The following DCC variants were observed in gnomAD, a reference collection of about 807,000 sequenced individuals.
DCC encodes netrin receptor DCC.
A neutral mutation model predicts 172.5 loss-of-function variants in DCC; 58 were observed. The observed-to-expected ratio is 0.34, with a 90% CI of 0.27 to 0.42. The LOEUF (loss-of-function observed/expected upper bound fraction) is 0.42. Ranked by LOEUF, DCC falls within the 10% of genes least tolerant of loss-of-function variation. DCC has a pLI of 1.00. For missense variants in DCC, 1,740 were observed against 1,791.0 expected (o/e 0.97, Z 0.51); for synonymous variants, 709 against 644.5 (o/e 1.10, Z -1.52).
intron 1 of DCC, among the ~76,000 whole-genome samples, chr18:52,691,083 C>A (rs988714530): frequency 1.3e-5 from 2 of 152,102 alleles, no homozygotes; most frequent in Non-Finnish European, 2.9e-5. Flanking sequence ...ATTCTGTTGG[C>A]ACAGCTAGTA....
At chr18:53,065,501 C>A (rs2042552976) in intron 6 of DCC, among the ~76,000 whole-genome samples, 1 of 152,134 alleles carries the variant, frequency 6.6e-6, no homozygotes, top group African/African-American at 2.4e-5. Flanking sequence ...CCATACTCCC[C>A]TCTCCAAACC....
intron 8 of DCC, among the ~76,000 whole-genome samples, chr18:53,171,396 A>G (rs894153495): frequency 1.3e-5 from 2 of 152,200 alleles, no homozygotes; most frequent in Admixed American, 6.5e-5. Flanking sequence ...AGCAAGCACA[A>G]TGCATTTGCC....
intron 2 of DCC, among the ~76,000 whole-genome samples, chr18:52,877,019 T>C (rs1260542489): frequency 6.6e-6 from 1 of 152,200 alleles, no homozygotes; most frequent in East Asian, 1.9e-4. Context: ...AAATATTGCA[T>C]GGTACACATT....
intron 12 of DCC, among the ~76,000 whole-genome samples, chr18:53,217,691 T>C (rs533834325): frequency 6.6e-6 from 1 of 152,266 alleles, no homozygotes; most frequent in Non-Finnish European, 1.5e-5. Flanking sequence ...TTGATATTTG[T>C]GTTTTATTTG....
At chr18:52,666,025 C>T (rs2035453808) in intron 1 of DCC, among the ~76,000 whole-genome samples, 2 of 152,170 alleles carry the variant, frequency 1.3e-5, no homozygotes, top group South Asian at 4.1e-4. Context: ...CGGCCGGGTG[C>T]CGTGACTCAT....
chr18:53,234,005 CT>C (rs1288664938), intron 12 of DCC, among the ~76,000 whole-genome samples: 2 of 152,112 alleles, frequency 1.3e-5, no homozygotes, highest in African/African-American at 2.4e-5. Context: ...AGTCCCAGCA[CT>C]TTGGGAGGCC....
chr18:52,811,437 G>A (rs368701111), intron 2 of DCC, among the ~76,000 whole-genome samples: 28 of 152,204 alleles, frequency 1.8e-4, no homozygotes, highest in African/African-American at 3.9e-4. Flanking sequence ...AATAGCATTC[G>A]CTTGGTTAAG....
Position 53,530,687 on chromosome 18 carries a change from G to A in DCC, c.*34G>A, listed in dbSNP as rs182487748. 1.1e-3 allele frequency: 1,390 copies of A among 1,216,542 alleles called. 24 individuals carry two copies. The Admixed American group carries it at 0.02, about 17-fold the overall frequency. The allele number at this position is 1,216,542 out of a possible 1,614,324, so 75.4% of individuals were successfully genotyped here. On this transcript the variant is annotated 3_prime_UTR_variant, in exon 29 of 29. Transcript: ENST00000442544. ...TCTGAATGGATGAGGTGAATTTTCC[G>A]GGAACTTTGCAGCATACCAATTACC...
chr18:53,432,961 A>G (rs1911717029), intron 21 of DCC, among the ~76,000 whole-genome samples: 1 of 152,116 alleles, frequency 6.6e-6, no homozygotes. Context: ...AATGTGAATC[A>G]CTATAAATCT....
chr18:52,432,021 A>G (rs1987641191), intron 1 of DCC, among the ~76,000 whole-genome samples: 1 of 151,894 alleles, frequency 6.6e-6, no homozygotes, highest in Admixed American at 6.6e-5. Context: ...TCTTCCTCCT[A>G]TTTTATCTCT....
At chr18:53,373,785 G>C (rs2058083479) in intron 15 of DCC, among the ~76,000 whole-genome samples, 1 of 152,098 alleles carries the variant, frequency 6.6e-6, no homozygotes, top group Non-Finnish European at 1.5e-5. Flanking sequence ...ATGAACTGAG[G>C]CAATCTTATT....
chr18:53,064,429 C>T (rs1284312177), intron 6 of DCC, among the ~76,000 whole-genome samples: 1 of 152,140 alleles, frequency 6.6e-6, no homozygotes, highest in Non-Finnish European at 1.5e-5. Flanking sequence ...AGACATGACA[C>T]TTTCAAAGAG....
rs779811307 is a variant in DCC at position 53,526,661 on chromosome 18, T to C, written c.4156T>C (p.Leu1386=). Residue 1386 remains leucine, a synonymous_variant, in exon 28 of 29, where the codon TTG becomes CTG. Coordinates refer to ENST00000442544, the MANE Select transcript of DCC (RefSeq NM_005215.4). ...CCATGTGAAAACAGCCTCCCTTGGG[T>C]TGGCTGGAAAAGCAAGATCCCCTTT... ...KTHVKTASLG[L]AGKARSPLLP... The C allele has an allele frequency of 2.6e-5, 42 of 1,613,400 alleles. No individual in the cohort carries two copies. Among genetic ancestry groups the C allele is most frequent in the Non-Finnish European group, 3.2e-5 (38 of 1,179,658 alleles).
chr18:53,527,041 CCA>C, intron 28 of DCC: 1 of 423,698 alleles, frequency 2.4e-6, no homozygotes, highest in East Asian at 5.1e-5. Context: ...GGTTTTACAC[CCA>C]TATATGTACA....
chr18:53,496,456 A>G (rs2046024786), intron 26 of DCC, among the ~76,000 whole-genome samples: 1 of 39,630 alleles, frequency 2.5e-5, no homozygotes, highest in Non-Finnish European at 6.6e-5. Context: ...TCCGAAGGTC[A>G]CCAACATCAA....
At chr18:53,133,103 T>G (rs1444398418) in intron 7 of DCC, among the ~76,000 whole-genome samples, 5 of 152,222 alleles carry the variant, frequency 3.3e-5, no homozygotes, top group Non-Finnish European at 7.3e-5. Context: ...TCTAATAGTC[T>G]TCTTAGTTAT....
intron 27 of DCC, among the ~76,000 whole-genome samples, chr18:53,522,058 T>C (rs1309103862): frequency 6.6e-6 from 1 of 152,112 alleles, no homozygotes; most frequent in Non-Finnish European, 1.5e-5. Context: ...AAATATGTGG[T>C]TGGTAGATAC....
intron 1 of DCC, among the ~76,000 whole-genome samples, chr18:52,352,021 T>C (rs916471932): frequency 6.6e-6 from 1 of 152,162 alleles, no homozygotes. Flanking sequence ...GGAAAAAGCA[T>C]CCCAGCTATT....
At chr18:53,257,539 G>C (rs1163354329) in intron 12 of DCC, among the ~76,000 whole-genome samples, 3 of 152,210 alleles carry the variant, frequency 2.0e-5, no homozygotes, top group Admixed American at 6.5e-5. Flanking sequence ...TGTTGAACCA[G>C]CCTTGCATCC....
Sources: gnomAD v4.1 joint callset for allele counts (sites outside exome capture counted in the v4.1 genomes callset) on GRCh38, gnomAD v4.1.1 for gene constraint, MANE v1.5 for transcripts, NCBI Gene and HGNC (gene_info 2026-07-23, HGNC 2026-07-21) for gene names.